Variants in CEMIP observed in about 807,000 individuals in gnomAD.
CEMIP encodes the protein cell migration-inducing and hyaluronan-binding protein.
Under a neutral mutation model 156.9 loss-of-function variants are expected in CEMIP, and 105 were observed. The ratio of observed to expected loss-of-function variants is 0.67; its 90% CI spans 0.57 to 0.79. The LOEUF (loss-of-function observed/expected upper bound fraction) is 0.79, where lower values mean the gene tolerates loss of function less well. Ranked by LOEUF, CEMIP falls within the 30% of genes least tolerant of loss-of-function variation. The pLI is 0.00. For synonymous variants in CEMIP, 676 were observed against 668.4 expected, an observed-to-expected ratio of 1.01 and a Z score of -0.17; for missense variants, 1,457 against 1,769.4, an observed-to-expected ratio of 0.82 and a Z score of 3.17.
At position 80,920,941 on chromosome 15, in the gene CEMIP, A is replaced by G. The variant is rs1900448081; in HGVS notation, c.2004-91A>G. 3 of 984,488 alleles carry G rather than the reference A, an allele frequency of 3.0e-6. No individual in the cohort carries two copies. In the Admixed American group the frequency reaches 5.6e-5, roughly 18 times the overall value. The allele number at this position is 984,488 out of a possible 1,614,324, so 61.0% of individuals were successfully genotyped here. ...TCTCTGATAAGAGACTATCAGGCCA[A>G]TATCAGAGTGCCCAACCTGCACCTG... is the stretch of plus-strand genomic sequence containing the variant. On this transcript the variant is annotated intron_variant, in intron 15 of 29. Coordinates refer to ENST00000394685, the MANE Select transcript of CEMIP (RefSeq NM_001293298.2).
chr15:80,848,761 C>G lies in CEMIP; in HGVS notation c.-175-24777C>G, dbSNP rs1897627288. On this transcript the variant is annotated intron_variant, in intron 1 of 29. Coordinates refer to ENST00000394685, the MANE Select transcript of CEMIP (RefSeq NM_001293298.2). ...CCAGCTTCTGAAAGTAGGGCCAGCC[C>G]TGCAATGTGGGGTGCAGCTGCCCAA... Among the ~76,000 whole-genome samples the G allele has an allele frequency of 2.6e-5, 4 of 152,108 alleles. No individual in the cohort carries two copies. The South Asian group carries it at 8.3e-4, about 32-fold the overall frequency.
Position 80,906,628 on chromosome 15 carries a change from C to G in CEMIP, c.1412-35C>G. The G allele has an allele frequency of 6.3e-7, 1 of 1,594,856 alleles. No individual in the cohort carries two copies. The highest frequency in any genetic ancestry group is 8.6e-7 in the Non-Finnish European group (1 of 1,169,014). ...CCAGAACTCAGTGGGCATGCAGTAC[C>G]TGCTGTTGTTTACCGTCCTCCCTTT... On this transcript the variant is annotated intron_variant, in intron 12 of 29. Transcript: ENST00000394685. This position sits in a 1 kb window ranked among gnomAD's most constrained non-coding sequence, Gnocchi z 4.3.
chr15:80,791,726 G>C (rs1189243019), intron 1 of CEMIP, among the ~76,000 whole-genome samples: 2 of 152,176 alleles, frequency 1.3e-5, no homozygotes, highest in Non-Finnish European at 2.9e-5. Flanking sequence ...CTTTTTGTGA[G>C]CTGTGCAGAT....
intron 8 of CEMIP, among the ~76,000 whole-genome samples, chr15:80,888,323 A>T (rs1371684201): frequency 6.6e-6 from 1 of 152,094 alleles, no homozygotes; most frequent in Non-Finnish European, 1.5e-5. Flanking sequence ...TCTCAAAAAA[A>T]TTTAAAAAAA....
chr15:80,932,162 C>A lies in CEMIP; in HGVS notation c.2793+123C>A, dbSNP rs1169392276. 2.7e-6 allele frequency: 3 copies of A among 1,106,358 alleles called. No homozygotes were observed. Among genetic ancestry groups the A allele is most frequent in the Non-Finnish European group, 1.3e-6 (1 of 743,980 alleles). The allele number at this position is 1,106,358 out of a possible 1,614,324, so 68.5% of individuals were successfully genotyped here. On this transcript the variant is annotated intron_variant, in intron 22 of 29. Transcript: ENST00000394685. This position sits in a 1 kb window ranked among gnomAD's most constrained non-coding sequence, Gnocchi z 4.5. The stretch of plus-strand genomic sequence containing the variant: ...GCAGGGGTTGAGAAGCCTCCTCCAA[C>A]TAGGCTGGGCCATGTCCCAGTTTGC...
chr15:80,872,654 A>T (rs1898335463), intron 1 of CEMIP, among the ~76,000 whole-genome samples: 1 of 152,132 alleles, frequency 6.6e-6, no homozygotes, highest in Non-Finnish European at 1.5e-5. Flanking sequence ...GTCCCTACTA[A>T]AAATACAAAA....
chr15:80,799,197 A>T (rs1483644789), intron 1 of CEMIP, among the ~76,000 whole-genome samples: 1 of 152,234 alleles, frequency 6.6e-6, no homozygotes, highest in Non-Finnish European at 1.5e-5. Flanking sequence ...TTTTGCAGAG[A>T]TGTGGTCAGC....
At chr15:80,839,928 T>C (rs1332602232) in intron 1 of CEMIP, among the ~76,000 whole-genome samples, 1 of 152,240 alleles carries the variant, frequency 6.6e-6, no homozygotes, top group African/African-American at 2.4e-5. Context: ...CCGCATTTTA[T>C]AGCTGAGGAC....
chr15:80,900,588 GTGTGTGTGTGTGTGTGTGTGTGTGT>G (rs1899448018), intron 12 of CEMIP, among the ~76,000 whole-genome samples: 2 of 56,924 alleles, frequency 3.5e-5, no homozygotes, highest in African/African-American at 1.2e-4. Flanking sequence ...AGGTAGGGGT[GTGTGTGTGTGTGTGTGTGTGTGTGT>G]GTGTGTGTGT....
chr15:80,890,485 G>A (rs1899000329), intron 10 of CEMIP, among the ~76,000 whole-genome samples: 1 of 151,648 alleles, frequency 6.6e-6, no homozygotes, highest in Admixed American at 6.6e-5. Context: ...AGCTACTCAG[G>A]GTCTGAGGCA....
At chr15:80,927,448 A>G (rs190855424) in intron 19 of CEMIP, among the ~76,000 whole-genome samples, 113 of 152,280 alleles carry the variant, frequency 7.4e-4, no homozygotes, top group Non-Finnish European at 1.3e-3. Flanking sequence ...GAGAAACTAG[A>G]TGGTGTCAAT....
At chr15:80,818,257 T>C (rs984356287) in intron 1 of CEMIP, among the ~76,000 whole-genome samples, 1 of 152,200 alleles carries the variant, frequency 6.6e-6, no homozygotes, top group African/African-American at 2.4e-5. Flanking sequence ...GCTTCTACCA[T>C]CACCAGGGCA....
At chr15:80,820,043 G>A (rs1896873947) in intron 1 of CEMIP, among the ~76,000 whole-genome samples, 1 of 152,180 alleles carries the variant, frequency 6.6e-6, no homozygotes, top group Non-Finnish European at 1.5e-5. Context: ...CCTTTCTCTT[G>A]CCCATGTTAA....
At chr15:80,818,503 A>G (rs1049224303) in intron 1 of CEMIP, among the ~76,000 whole-genome samples, 19 of 152,220 alleles carry the variant, frequency 1.2e-4, no homozygotes, top group African/African-American at 4.6e-4. Flanking sequence ...AGCTCCAAAA[A>G]TATATGAATA....
At chr15:80,872,941 A>G (rs1159494505) in intron 1 of CEMIP, among the ~76,000 whole-genome samples, 1 of 152,216 alleles carries the variant, frequency 6.6e-6, no homozygotes, top group Non-Finnish European at 1.5e-5. Flanking sequence ...TTGCATTGGC[A>G]TCCTCAGTGC....
intron 14 of CEMIP, chr15:80,909,629 T>C: frequency 2.1e-6 from 1 of 479,322 alleles, no homozygotes; most frequent in Non-Finnish European, 4.1e-6. Context: ...ATGACAGCTC[T>C]GCTAACTGCA....
At chr15:80,868,182 T>C (rs1244413232) in intron 1 of CEMIP, among the ~76,000 whole-genome samples, 1 of 152,100 alleles carries the variant, frequency 6.6e-6, no homozygotes, top group Non-Finnish European at 1.5e-5. Flanking sequence ...GGGGGAAACA[T>C]AGAAGCTTCT....
chr15:80,926,640 T>C (rs746806144), intron 19 of CEMIP, among the ~76,000 whole-genome samples: 1 of 151,826 alleles, frequency 6.6e-6, no homozygotes, highest in Non-Finnish European at 1.5e-5. Flanking sequence ...TGACTTAGCA[T>C]TGGAGCCCCA....
At position 80,858,399 on chromosome 15, in the gene CEMIP, G is replaced by A. The variant is rs186561943; in HGVS notation, c.-175-15139G>A. Among the ~76,000 whole-genome samples the A allele has an allele frequency of 2.0e-4, 30 of 152,282 alleles. No homozygotes were observed. The East Asian group carries it at 5.8e-3, about 29-fold the overall frequency. ...CTCATTAATTAAATAAACGCTTTAT[G>A]AGAGCAAAAAGACTTGGAAAGAATT... On this transcript the variant is annotated intron_variant, in intron 1 of 29. Coordinates refer to ENST00000394685, the MANE Select transcript of CEMIP (RefSeq NM_001293298.2).
Sources: gnomAD v4.1 joint callset for allele counts (sites outside exome capture counted in the v4.1 genomes callset) on GRCh38, gnomAD v4.1.1 for gene constraint, Gnocchi (gnomAD v3.1) non-coding constraint, MANE v1.5 for transcripts, NCBI Gene and HGNC (gene_info 2026-07-23, HGNC 2026-07-21) for gene names.